Variants in CADPS observed in about 807,000 individuals in gnomAD.
CADPS encodes calcium dependent secretion activator.
A neutral mutation model predicts 167.3 loss-of-function variants in CADPS; 57 were observed. The observed-to-expected ratio is 0.34, with a 90% CI of 0.28 to 0.42. The LOEUF (loss-of-function observed/expected upper bound fraction) is 0.42. Ranked by LOEUF, CADPS falls within the 20% of genes least tolerant of loss-of-function variation. CADPS has a pLI of 1.00. For synonymous variants in CADPS, 676 were observed against 635.3 expected (o/e 1.06, Z -0.96); for missense variants, 1,414 against 1,738.1 (o/e 0.81, Z 3.32).
At chr3:62,463,482 G>A (rs1018913497) in intron 26 of CADPS, among the ~76,000 whole-genome samples, 10 of 152,192 alleles carry the variant, frequency 6.6e-5, no homozygotes, top group African/African-American at 2.4e-4. Flanking sequence ...ATGAAACATT[G>A]TCTAATATTT....
chr3:62,603,887 C>T (rs747210036), intron 6 of CADPS, among the ~76,000 whole-genome samples: 1 of 151,778 alleles, frequency 6.6e-6, no homozygotes, highest in African/African-American at 2.4e-5. Context: ...AGTGCAGTGG[C>T]GTGATCTCGG....
chr3:62,513,737 C>G (rs2068372904), intron 16 of CADPS: 2 of 1,465,142 alleles, frequency 1.4e-6, no homozygotes, highest in Non-Finnish European at 1.9e-6. Flanking sequence ...ATGCAAGAGG[C>G]TTAGGTCAGA....
At chr3:62,785,024 A>G (rs1285857419) in intron 1 of CADPS, among the ~76,000 whole-genome samples, 1 of 152,172 alleles carries the variant, frequency 6.6e-6, no homozygotes, top group African/African-American at 2.4e-5. Context: ...TTCATATTAT[A>G]ATATCTATAA....
chr3:62,722,759 A>G (rs992697773), intron 3 of CADPS, among the ~76,000 whole-genome samples: 9 of 152,196 alleles, frequency 5.9e-5, no homozygotes, highest in African/African-American at 2.2e-4. Flanking sequence ...TCCAGCGTAT[A>G]GTTTCTCGAC....
At chr3:62,577,630 C>T (rs994168775) in intron 8 of CADPS, among the ~76,000 whole-genome samples, 1 of 152,238 alleles carries the variant, frequency 6.6e-6, no homozygotes, top group Non-Finnish European at 1.5e-5. Flanking sequence ...AACAATAACT[C>T]TTCTATAGCT....
chr3:62,446,064 GA>G lies in CADPS; in HGVS notation c.3637-268del, dbSNP rs1379879701. On this transcript the variant is annotated intron_variant, in intron 26 of 29. Coordinates refer to ENST00000383710, the MANE Select transcript of CADPS (RefSeq NM_003716.4). The surrounding 1 kb of genome is among the most constrained non-coding windows in gnomAD (Gnocchi z 4.9). ...GCTTTACATTTTCCTCCCTCCCTCT[GA>G]AAAAAAGTAAAGTGACTAGCTAAAC... Among the ~76,000 whole-genome samples, 2 of 152,122 alleles carry G rather than the reference GA, an allele frequency of 1.3e-5. No individual in the cohort carries two copies. The highest frequency in any genetic ancestry group is 4.8e-5 in the African/African-American group (2 of 41,414).
intron 28 of CADPS, among the ~76,000 whole-genome samples, chr3:62,425,053 C>T (rs1465858488): frequency 6.6e-6 from 1 of 152,156 alleles, no homozygotes; most frequent in Non-Finnish European, 1.5e-5. Context: ...CATTTTGGAC[C>T]TCAGGTTTCC....
intron 13 of CADPS, among the ~76,000 whole-genome samples, chr3:62,527,845 C>A (rs757373023): frequency 6.6e-6 from 1 of 152,140 alleles, no homozygotes; most frequent in Non-Finnish European, 1.5e-5. Flanking sequence ...GTTAAAGGGC[C>A]ATTGCTTTCA....
intron 1 of CADPS, among the ~76,000 whole-genome samples, chr3:62,788,180 G>A (rs2152713724): frequency 6.6e-6 from 1 of 152,270 alleles, no homozygotes; most frequent in Middle Eastern, 3.4e-3. Flanking sequence ...GGCAGTGAAT[G>A]CAATACCTTT....
Position 62,478,161 on chromosome 3 carries a change from T to C in CADPS, c.3329+100A>G. 7.5e-7 allele frequency: 1 copy of C among 1,334,988 alleles called. No homozygotes were observed. The highest frequency in any genetic ancestry group is 1.9e-5 in the Admixed American group (1 of 53,088). The allele number at this position is 1,334,988 out of a possible 1,614,324, so 82.7% of individuals were successfully genotyped here. Reference sequence around the variant, plus strand: ...ACAAGCAATCCCCTTCTCCAATTAGTTTCAAACTACAGCCAATTGAAAGAG... The same window carrying C: ...ACAAGCAATCCCCTTCTCCAATTAGCTTCAAACTACAGCCAATTGAAAGAG... On this transcript the variant is annotated intron_variant, in intron 23 of 29. Coordinates refer to ENST00000383710, the MANE Select transcript of CADPS (RefSeq NM_003716.4). The surrounding 1 kb of genome is among the most constrained non-coding windows in gnomAD (Gnocchi z 5.7).
chr3:62,459,442 T>C (rs767868448), intron 26 of CADPS, among the ~76,000 whole-genome samples: 11 of 152,260 alleles, frequency 7.2e-5, no homozygotes, highest in Non-Finnish European at 1.3e-4. Flanking sequence ...GTCATTTTTC[T>C]CCTTCTGGCC....
Position 62,755,802 on chromosome 3 carries a change from A to G in CADPS, c.556-2029T>C, listed in dbSNP as rs148305677. ...AGTTTCAAATGAATCCTCAGGCCTT[A>G]TGAGCCTTAATGAGCTAAATAATTC... On this transcript the variant is annotated intron_variant, in intron 2 of 29. Transcript: ENST00000383710. Among the ~76,000 whole-genome samples the G allele has an allele frequency of 3.5e-3, 527 of 152,330 alleles. 4 individuals carry two copies. Among genetic ancestry groups the G allele is most frequent in the African/African-American group, 0.011 (455 of 41,580 alleles).
chr3:62,551,495 C>T (rs1301917295), intron 10 of CADPS, among the ~76,000 whole-genome samples: 2 of 152,182 alleles, frequency 1.3e-5, no homozygotes, highest in African/African-American at 4.8e-5. Context: ...ATAGTTGATG[C>T]TCACAAGGCA....
intron 28 of CADPS, among the ~76,000 whole-genome samples, chr3:62,418,324 C>CTTTTT (rs1227861106): frequency 1.7e-5 from 2 of 115,084 alleles, no homozygotes; most frequent in African/African-American, 3.6e-5. Context: ...TTTTTTCTCT[C>CTTTTT]TTTTTTTTTT....
intron 13 of CADPS, among the ~76,000 whole-genome samples, chr3:62,530,256 C>A (rs537782590): frequency 6.6e-6 from 1 of 152,246 alleles, no homozygotes; most frequent in South Asian, 2.1e-4. Flanking sequence ...ATAGGCCTAT[C>A]TTATGCCAAT....
At chr3:62,722,053 C>A (rs2075940266) in intron 3 of CADPS, among the ~76,000 whole-genome samples, 1 of 152,222 alleles carries the variant, frequency 6.6e-6, no homozygotes, top group South Asian at 2.1e-4. Context: ...CTCATAACCA[C>A]CTGATGGGGT....
At chr3:62,581,647 C>A (rs974151104) in intron 8 of CADPS, among the ~76,000 whole-genome samples, 2 of 152,010 alleles carry the variant, frequency 1.3e-5, no homozygotes, top group South Asian at 2.1e-4. Context: ...CACCTTTGCA[C>A]TCCAGTCTGG....
intron 1 of CADPS, among the ~76,000 whole-genome samples, chr3:62,774,113 A>G (rs2089662600): frequency 6.6e-6 from 1 of 152,134 alleles, no homozygotes; most frequent in Non-Finnish European, 1.5e-5. Flanking sequence ...ATGCATCTAG[A>G]AGGTGAGTTG....
chr3:62,698,428 G>A (rs1580670543), intron 3 of CADPS, among the ~76,000 whole-genome samples: 1 of 152,016 alleles, frequency 6.6e-6, no homozygotes, highest in Non-Finnish European at 1.5e-5. Flanking sequence ...GCCCAGGTAC[G>A]ATGTTTTGTG....
Sources: allele counts gnomAD v4.1 joint callset (sites outside exome capture counted in the v4.1 genomes callset), GRCh38; gene constraint gnomAD v4.1.1; non-coding constraint Gnocchi (gnomAD v3.1); transcripts MANE v1.5; gene names NCBI Gene and HGNC (gene_info 2026-07-23, HGNC 2026-07-21).